The following NCKAP5 variants were observed in gnomAD, a reference collection of about 807,000 sequenced individuals.
NCKAP5 encodes nck-associated protein 5.
Under a neutral mutation model 167.0 loss-of-function variants are expected in NCKAP5, and 92 were observed. That is an observed-to-expected ratio of 0.55 (90% CI 0.47 to 0.66). The LOEUF (loss-of-function observed/expected upper bound fraction) is 0.66. Ranked by LOEUF, NCKAP5 falls within the 30% of genes least tolerant of loss-of-function variation. NCKAP5 has a pLI of 0.00. For synonymous variants in NCKAP5, 891 were observed against 877.4 expected, an observed-to-expected ratio of 1.02 and a Z score of -0.27; for missense variants, 2,378 against 2,315.0, an observed-to-expected ratio of 1.03 and a Z score of -0.56.
intron 2 of NCKAP5, among the ~76,000 whole-genome samples, chr2:133,552,912 T>G (rs950839483): frequency 6.6e-6 from 1 of 152,156 alleles, no homozygotes; most frequent in Non-Finnish European, 1.5e-5. Flanking sequence ...ATGCTCAAAT[T>G]GTCCAAGGTA....
chr2:133,280,603 C>G (rs929752946), intron 4 of NCKAP5, among the ~76,000 whole-genome samples: 1 of 152,036 alleles, frequency 6.6e-6, no homozygotes, highest in East Asian at 1.9e-4. Context: ...CACAGGAAAT[C>G]AAATTTGTGA....
chr2:132,913,951 C>T (rs1421068273), intron 8 of NCKAP5, among the ~76,000 whole-genome samples: 3 of 152,028 alleles, frequency 2.0e-5, no homozygotes, highest in South Asian at 2.1e-4. Context: ...TCTGCTTTTT[C>T]GTTTAGCCCA....
chr2:132,741,175 T>G (rs1679153654), intron 16 of NCKAP5, among the ~76,000 whole-genome samples: 1 of 152,102 alleles, frequency 6.6e-6, no homozygotes, highest in Admixed American at 6.6e-5. Flanking sequence ...AATACTGAAA[T>G]GGCCTCTTCT....
chr2:132,950,325 G>T (rs1293401514), intron 8 of NCKAP5, among the ~76,000 whole-genome samples: 1 of 151,974 alleles, frequency 6.6e-6, no homozygotes, highest in Non-Finnish European at 1.5e-5. Flanking sequence ...GGCATCAAGA[G>T]GTTTCAATAT....
At chr2:132,735,558 A>G (rs1353769955) in intron 16 of NCKAP5, among the ~76,000 whole-genome samples, 1 of 152,072 alleles carries the variant, frequency 6.6e-6, no homozygotes, top group Non-Finnish European at 1.5e-5. Context: ...CTTATAAATT[A>G]CCTAGCGTCA....
intron 9 of NCKAP5, among the ~76,000 whole-genome samples, chr2:132,874,063 G>T (rs1465468826): frequency 6.6e-6 from 1 of 150,952 alleles, no homozygotes; most frequent in Non-Finnish European, 1.5e-5. Flanking sequence ...ACATATGAAA[G>T]TGACAAGTAC....
intron 1 of NCKAP5, among the ~76,000 whole-genome samples, chr2:133,562,671 A>T (rs1259549230): frequency 6.6e-6 from 1 of 152,208 alleles, no homozygotes; most frequent in African/African-American, 2.4e-5. Context: ...AACTCAGTCC[A>T]CTGGGCTTCT....
chr2:133,624,378 C>T, the NCKAP5 span, among the ~76,000 whole-genome samples: 1 of 152,118 alleles, frequency 6.6e-6, no homozygotes, highest in African/African-American at 2.4e-5. Context: ...TTCCTCACGT[C>T]TCATCTCTTA....
chr2:132,969,094 G>A (rs1337812168), intron 7 of NCKAP5, among the ~76,000 whole-genome samples: 1 of 152,160 alleles, frequency 6.6e-6, no homozygotes, highest in African/African-American at 2.4e-5. Context: ...CTGGGGTGCA[G>A]TGGTGCAATC....
At chr2:133,600,037 G>A in the NCKAP5 span, among the ~76,000 whole-genome samples, 3 of 152,192 alleles carry the variant, frequency 2.0e-5, no homozygotes, top group Non-Finnish European at 4.4e-5. Context: ...ATTCAATGTC[G>A]CCAGGTTTGC....
the NCKAP5 span, among the ~76,000 whole-genome samples, chr2:133,602,142 G>C: frequency 7.4e-3 from 1,125 of 152,294 alleles, 11 homozygotes; most frequent in African/African-American, 0.026. Flanking sequence ...CGAGGATGCT[G>C]CTGGGAACCC....
chr2:132,829,511 G>T (rs1687370593), intron 11 of NCKAP5, among the ~76,000 whole-genome samples: 1 of 152,154 alleles, frequency 6.6e-6, no homozygotes, highest in South Asian at 2.1e-4. Context: ...TTATCTACAT[G>T]AGCTTTTGCC....
chr2:133,624,595 TAGC>T, the NCKAP5 span, among the ~76,000 whole-genome samples: 277 of 152,316 alleles, frequency 1.8e-3, 1 homozygote, highest in Middle Eastern at 3.4e-3. Context: ...AGGCTCAAAA[TAGC>T]AGCAAACAAG....
At chr2:133,108,867 C>A (rs993873514) in intron 6 of NCKAP5, among the ~76,000 whole-genome samples, 1 of 152,146 alleles carries the variant, frequency 6.6e-6, no homozygotes. Flanking sequence ...GGGAGGATTT[C>A]CTTCTTTTTT....
chr2:132,928,049 A>G (rs955542892), intron 8 of NCKAP5, among the ~76,000 whole-genome samples: 3 of 152,146 alleles, frequency 2.0e-5, no homozygotes, highest in African/African-American at 7.2e-5. Flanking sequence ...AACCCTTTCT[A>G]TAGTGCTTTG....
intron 3 of NCKAP5, among the ~76,000 whole-genome samples, chr2:133,500,821 A>T (rs1425187221): frequency 2.6e-5 from 4 of 152,190 alleles, no homozygotes; most frequent in African/African-American, 9.7e-5. Context: ...CCTATAAAAT[A>T]TCTCTCTTCA....
At chr2:133,329,161 T>C (rs951854469) in intron 3 of NCKAP5, among the ~76,000 whole-genome samples, 2 of 152,182 alleles carry the variant, frequency 1.3e-5, no homozygotes, top group African/African-American at 2.4e-5. Context: ...ACTTGGGCTA[T>C]ACTGAGATGG....
chr2:132,695,937 T>C lies in NCKAP5; in HGVS notation c.5714-22632A>G, dbSNP rs1687267508. ...CTAGCTTTGTTGATTATTTTTCTTCTGAAGATTAAATGTGTTTCAGAATAT... is the reference window on the plus strand; with the variant it reads ...CTAGCTTTGTTGATTATTTTTCTTCCGAAGATTAAATGTGTTTCAGAATAT... On this transcript the variant is annotated intron_variant, in intron 19 of 19. Transcript: ENST00000409261. 2.0e-5 allele frequency among the ~76,000 whole-genome samples: 3 copies of C among 152,222 alleles called. No individual in the cohort carries two copies. The South Asian group carries it at 6.2e-4, about 32-fold the overall frequency.
chr2:133,269,704 GACA>G (rs2150406998), intron 4 of NCKAP5, among the ~76,000 whole-genome samples: 2 of 152,332 alleles, frequency 1.3e-5, no homozygotes, highest in South Asian at 4.1e-4. Context: ...CAGAGGGAGT[GACA>G]TGATCATCTG....
Sources: allele counts gnomAD v4.1 joint callset (sites outside exome capture counted in the v4.1 genomes callset), GRCh38; gene constraint gnomAD v4.1.1; transcripts MANE v1.5; gene names NCBI Gene and HGNC (gene_info 2026-07-23, HGNC 2026-07-21).